Variants in DENND4A observed in about 807,000 individuals in gnomAD.
DENND4A encodes C-myc promoter-binding protein.
DENND4A carries 70 observed loss-of-function variants against 199.3 expected under a neutral mutation model. The ratio of observed to expected loss-of-function variants is 0.35; its 90% CI spans 0.29 to 0.43. The LOEUF (loss-of-function observed/expected upper bound fraction) is 0.43, where lower values mean the gene tolerates loss of function less well. Among genes scored for constraint, DENND4A ranks in the 20% least tolerant of loss-of-function variants. DENND4A has a pLI of 1.00. For synonymous variants in DENND4A, 686 were observed against 766.9 expected (o/e 0.89, Z 1.74); for missense variants, 1,723 against 2,255.8 (o/e 0.76, Z 4.78).
chr15:65,687,905 C>T (rs2076845709), intron 23 of DENND4A, among the ~76,000 whole-genome samples: 2 of 152,074 alleles, frequency 1.3e-5, no homozygotes, highest in South Asian at 4.1e-4. Context: ...TTTGCTGAGT[C>T]TCTTGTATCT....
chr15:65,702,199 G>A, intron 17 of DENND4A, 106 bp downstream of exon 17: 1 of 955,142 alleles, frequency 1.0e-6, no homozygotes, highest in Non-Finnish European at 1.6e-6. Context: ...AGCTCAAGAG[G>A]TTAAGACTGC....
chr15:65,715,649 A>G, intron 13 of DENND4A, 26 bp from the exon 14 acceptor site: 9 of 1,517,088 alleles, frequency 5.9e-6, no homozygotes, highest in Non-Finnish European at 7.9e-6. Context: ...ATATAATGTC[A>G]GAATACATAA....
intron 1 of DENND4A, among the ~76,000 whole-genome samples, chr15:65,783,465 A>G (rs2077485942): frequency 6.6e-6 from 1 of 152,222 alleles, no homozygotes; most frequent in African/African-American, 2.4e-5. Flanking sequence ...GTGTATACAT[A>G]CATATATTTT....
intron 1 of DENND4A, among the ~76,000 whole-genome samples, chr15:65,762,106 C>G (rs1244106274): frequency 6.6e-6 from 1 of 152,098 alleles, no homozygotes; most frequent in Non-Finnish European, 1.5e-5. Flanking sequence ...CTCCTGGGTT[C>G]AAGAGATTCT....
At chr15:65,707,349 T>A (rs537633165) in intron 14 of DENND4A, among the ~76,000 whole-genome samples, 1 of 152,246 alleles carries the variant, frequency 6.6e-6, no homozygotes, top group African/African-American at 2.4e-5. Context: ...ACATACCATG[T>A]GGATTAAGTG....
intron 2 of DENND4A, among the ~76,000 whole-genome samples, chr15:65,756,771 C>T (rs1172376261): frequency 1.3e-5 from 2 of 152,202 alleles, no homozygotes; most frequent in Admixed American, 1.3e-4. Context: ...TGCAGTGGCT[C>T]ACGCCTGTAA....
At chr15:65,762,468 A>AG (rs1284027764) in intron 1 of DENND4A, among the ~76,000 whole-genome samples, 1 of 151,694 alleles carries the variant, frequency 6.6e-6, no homozygotes, top group Non-Finnish European at 1.5e-5. Context: ...CTAAAAAAAA[A>AG]AGAAGAAAGT....
At chr15:65,771,351 C>T in intron 1 of DENND4A, 1 of 1,590,964 alleles carries the variant, frequency 6.3e-7, no homozygotes, top group Non-Finnish European at 8.6e-7. Context: ...TAATCTTCCT[C>T]CACACTCTTT....
At chr15:65,732,921 CTAT>C in intron 7 of DENND4A, 103 bp from the exon 8 acceptor site, 1 of 651,832 alleles carries the variant, frequency 1.5e-6, no homozygotes. Context: ...CCCTGTGTCC[CTAT>C]TATTTTGAAA....
intron 4 of DENND4A, among the ~76,000 whole-genome samples, chr15:65,745,159 T>G (rs1013483368): frequency 1.3e-5 from 2 of 152,188 alleles, no homozygotes; most frequent in Admixed American, 1.3e-4. Flanking sequence ...GACAATCTCC[T>G]GAGTATTCAA....
intron 1 of DENND4A, among the ~76,000 whole-genome samples, chr15:65,768,083 G>A (rs947311145): frequency 4.6e-5 from 7 of 152,014 alleles, no homozygotes; most frequent in African/African-American, 1.7e-4. Context: ...GCACGATCAT[G>A]GCTCACCTCA....
At chr15:65,788,117 C>T (rs1467471281) in intron 1 of DENND4A, among the ~76,000 whole-genome samples, 4 of 151,554 alleles carry the variant, frequency 2.6e-5, no homozygotes, top group Non-Finnish European at 4.4e-5. Flanking sequence ...CGTTCTGCCA[C>T]CCAGGCTGGG....
intron 23 of DENND4A, among the ~76,000 whole-genome samples, chr15:65,683,629 T>C (rs1252511732): frequency 6.6e-6 from 1 of 152,224 alleles, no homozygotes; most frequent in African/African-American, 2.4e-5. Context: ...ATTCAAATTA[T>C]TTGAAAGTGT....
At chr15:65,781,493 A>G (rs1176132624) in intron 1 of DENND4A, among the ~76,000 whole-genome samples, 2 of 152,226 alleles carry the variant, frequency 1.3e-5, no homozygotes, top group African/African-American at 2.4e-5. Context: ...GACTGATTCA[A>G]AAAATATTTA....
chr15:65,686,935 T>C (rs994709241), intron 23 of DENND4A, among the ~76,000 whole-genome samples: 1 of 152,162 alleles, frequency 6.6e-6, no homozygotes, highest in African/African-American at 2.4e-5. Flanking sequence ...ACTCCTGGCT[T>C]CAAGCAATCC....
intron 14 of DENND4A, among the ~76,000 whole-genome samples, chr15:65,714,201 G>A (rs1320389233): frequency 6.6e-6 from 1 of 152,008 alleles, no homozygotes; most frequent in African/African-American, 2.4e-5. Flanking sequence ...CACGAGGTCA[G>A]GAGATCAAGA....
intron 1 of DENND4A, chr15:65,771,126 A>C: frequency 6.7e-7 from 1 of 1,503,530 alleles, no homozygotes; most frequent in Non-Finnish European, 9.0e-7. Context: ...ACTTACTTAC[A>C]GAAAAAATAA....
At chr15:65,701,974 TA>T in intron 17 of DENND4A, 84 bp from the exon 18 acceptor site, 1 of 1,568,802 alleles carries the variant, frequency 6.4e-7, no homozygotes, top group Non-Finnish European at 8.7e-7. Flanking sequence ...TTTTAAACAA[TA>T]ATTGTGGCAG....
At chr15:65,761,663 GA>G (rs968222439) in intron 1 of DENND4A, among the ~76,000 whole-genome samples, 18 of 145,720 alleles carry the variant, frequency 1.2e-4, no homozygotes, top group East Asian at 4.3e-4. Context: ...GAGGCAATGA[GA>G]AAAAAAAAGA....
Sources: allele counts gnomAD v4.1 joint callset (sites outside exome capture counted in the v4.1 genomes callset), GRCh38; gene constraint gnomAD v4.1.1; transcripts MANE v1.5; gene names NCBI Gene and HGNC (gene_info 2026-07-23, HGNC 2026-07-21).